Variants in DSCAML1 observed in about 807,000 individuals in gnomAD.
DSCAML1 encodes DS cell adhesion molecule like 1, also known as cell adhesion molecule DSCAML1.
Under a neutral mutation model 200.5 loss-of-function variants are expected in DSCAML1, and 38 were observed. That is an observed-to-expected ratio of 0.19 (90% CI 0.15 to 0.25). The LOEUF (loss-of-function observed/expected upper bound fraction) is 0.25, where lower values mean the gene tolerates loss of function less well. DSCAML1 is among the 10% of genes least tolerant of loss of function. DSCAML1 has a pLI of 1.00. For synonymous variants in DSCAML1, 1,215 were observed against 1,165.0 expected (o/e 1.04, Z -0.87); for missense variants, 2,223 against 2,858.8 (o/e 0.78, Z 5.07).
At chr11:117,483,257 G>A (rs1217520270) in intron 11 of DSCAML1, among the ~76,000 whole-genome samples, 1 of 152,198 alleles carries the variant, frequency 6.6e-6, no homozygotes, top group African/African-American at 2.4e-5. Context: ...CCAGGCTGGG[G>A]GGTACGCATG....
intron 3 of DSCAML1, among the ~76,000 whole-genome samples, chr11:117,655,157 A>G (rs2052707887): frequency 6.6e-6 from 1 of 152,112 alleles, no homozygotes; most frequent in Non-Finnish European, 1.5e-5. Flanking sequence ...TGCCATCTCC[A>G]TGCCCTGATA....
intron 3 of DSCAML1, among the ~76,000 whole-genome samples, chr11:117,587,260 C>CG (rs978738984): frequency 2.0e-5 from 3 of 150,616 alleles, no homozygotes; most frequent in African/African-American, 7.3e-5. Flanking sequence ...CCAACCCCCC[C>CG]CCACGATTTA....
At chr11:117,605,043 C>G (rs2051537714) in intron 3 of DSCAML1, among the ~76,000 whole-genome samples, 1 of 152,174 alleles carries the variant, frequency 6.6e-6, no homozygotes, top group South Asian at 2.1e-4. Context: ...CCCTGCCTCT[C>G]CCTGCTCCCT....
chr11:117,730,985 G>C (rs1419461402), intron 3 of DSCAML1, among the ~76,000 whole-genome samples: 2 of 152,134 alleles, frequency 1.3e-5, no homozygotes, highest in Non-Finnish European at 2.9e-5. Flanking sequence ...TGTTTGCCTC[G>C]GTCAGGGAAA....
chr11:117,435,353 CA>C (rs1473353640), intron 27 of DSCAML1, among the ~76,000 whole-genome samples: 7 of 152,168 alleles, frequency 4.6e-5, no homozygotes, highest in African/African-American at 1.7e-4. Flanking sequence ...GTTTACCAAC[CA>C]ACATGGAAAT....
chr11:117,470,927 T>C (rs1055740660), intron 15 of DSCAML1, among the ~76,000 whole-genome samples: 3 of 152,026 alleles, frequency 2.0e-5, no homozygotes, highest in South Asian at 2.1e-4. Flanking sequence ...TACTGGAAAA[T>C]AGGGAAAACT....
At chr11:117,693,493 C>T (rs1314243283) in intron 3 of DSCAML1, among the ~76,000 whole-genome samples, 5 of 152,148 alleles carry the variant, frequency 3.3e-5, no homozygotes, top group Non-Finnish European at 5.9e-5. Flanking sequence ...TCAAGCCCTG[C>T]ACCCCCCCAT....
chr11:117,546,342 T>C (rs1837443345), intron 3 of DSCAML1, among the ~76,000 whole-genome samples: 2 of 152,228 alleles, frequency 1.3e-5, no homozygotes, highest in Non-Finnish European at 2.9e-5. Flanking sequence ...ACCTGTTTCC[T>C]GTGACAATTA....
At chr11:117,492,118 ATCCCTACCCCGAGGTAAT>A (rs367608963) in intron 11 of DSCAML1, among the ~76,000 whole-genome samples, 114 of 152,190 alleles carry the variant, frequency 7.5e-4, no homozygotes, top group Admixed American at 3.7e-3. Flanking sequence ...TGCATTCCCC[ATCCCTACCCCGAGGTAAT>A]TCTCACGTGG....
chr11:117,689,613 G>A (rs2053461671), intron 3 of DSCAML1, among the ~76,000 whole-genome samples: 1 of 152,178 alleles, frequency 6.6e-6, no homozygotes, highest in South Asian at 2.1e-4. Context: ...TGGGGGTGAA[G>A]GAGATGATCA....
At chr11:117,737,066 T>G (rs2054330249) in intron 3 of DSCAML1, among the ~76,000 whole-genome samples, 1 of 152,096 alleles carries the variant, frequency 6.6e-6, no homozygotes, top group South Asian at 2.1e-4. Context: ...AGGCTCCAGG[T>G]GAGAGATCTG....
intron 3 of DSCAML1, among the ~76,000 whole-genome samples, chr11:117,612,573 C>T (rs915100808): frequency 1.1e-4 from 16 of 152,132 alleles, no homozygotes; most frequent in African/African-American, 2.9e-4. Context: ...ACTGGTTATA[C>T]GGAAGTGCTC....
intron 3 of DSCAML1, among the ~76,000 whole-genome samples, chr11:117,708,764 C>T (rs1056084121): frequency 3.3e-5 from 5 of 152,202 alleles, no homozygotes; most frequent in Non-Finnish European, 5.9e-5. Context: ...ACAAGTGAAG[C>T]GATACCATTG....
At chr11:117,721,469 T>C (rs1379925413) in intron 3 of DSCAML1, among the ~76,000 whole-genome samples, 3 of 152,150 alleles carry the variant, frequency 2.0e-5, no homozygotes, top group African/African-American at 7.2e-5. Context: ...AGTTAGTTAT[T>C]ACAGTCAGGG....
Position 117,431,752 on chromosome 11 carries a change from T to C in DSCAML1, c.5180-24A>G, listed in dbSNP as rs73592173. 3,978 of 1,506,508 alleles carry C rather than the reference T, an allele frequency of 2.6e-3. 95 individuals carry two copies. In the African/African-American group the frequency reaches 0.05, roughly 19 times the overall value. 93.3% of individuals were successfully genotyped at this position (1,506,508 alleles called of 1,614,324 possible). A position where few individuals can be genotyped will look rare whatever the true frequency, so the allele number is the denominator to read the frequency against. ...ATCTGCACAGACAGAAGCAAGAAAT[T>C]GCATCCTCCAACCAAAGGCACCCAG... On this transcript the variant is annotated intron_variant, in intron 30 of 32. Coordinates refer to ENST00000651296, the MANE Select transcript of DSCAML1 (RefSeq NM_020693.4).
chr11:117,542,700 A>G (rs181956201), intron 3 of DSCAML1, among the ~76,000 whole-genome samples: 17 of 152,396 alleles, frequency 1.1e-4, no homozygotes, highest in Non-Finnish European at 1.9e-4. Flanking sequence ...TGCCTATCAA[A>G]TACTAGGCAC....
intron 3 of DSCAML1, among the ~76,000 whole-genome samples, chr11:117,631,439 TCACCTGGCA>T (rs1274617409): frequency 2.0e-5 from 3 of 152,174 alleles, no homozygotes; most frequent in African/African-American, 7.2e-5. Context: ...CAGCCAATGT[TCACCTGGCA>T]CACCCCAAAC....
At chr11:117,579,038 A>G (rs146211315) in intron 3 of DSCAML1, among the ~76,000 whole-genome samples, 1 of 152,166 alleles carries the variant, frequency 6.6e-6, no homozygotes, top group African/African-American at 2.4e-5. Flanking sequence ...CCTTCACCCA[A>G]TTATCAGCAA....
intron 3 of DSCAML1, among the ~76,000 whole-genome samples, chr11:117,732,431 GC>G (rs1170417071): frequency 6.6e-6 from 1 of 152,112 alleles, no homozygotes; most frequent in Admixed American, 6.5e-5. Context: ...CTACTAACAA[GC>G]TTTGTAACCT....
Sources: gnomAD v4.1 joint callset for allele counts (sites outside exome capture counted in the v4.1 genomes callset) on GRCh38, gnomAD v4.1.1 for gene constraint, MANE v1.5 for transcripts, NCBI Gene and HGNC (gene_info 2026-07-23, HGNC 2026-07-21) for gene names.